The following KASH5 variants were observed in gnomAD, a reference collection of about 807,000 sequenced individuals.
The protein encoded by KASH5 is protein KASH5.
Under a neutral mutation model 84.2 loss-of-function variants are expected in KASH5, and 72 were observed. The ratio of observed to expected loss-of-function variants is 0.85; its 90% CI spans 0.71 to 1.04. The LOEUF (loss-of-function observed/expected upper bound fraction) is 1.04. KASH5 is among the 50% of genes least tolerant of loss of function. The pLI, the probability that KASH5 is intolerant of heterozygous loss-of-function variation, is 0.00. For missense variants in KASH5, 650 were observed against 701.0 expected, an observed-to-expected ratio of 0.93 and a Z score of 0.82; for synonymous variants, 260 against 279.1, an observed-to-expected ratio of 0.93 and a Z score of 0.68.
chr19:49,409,194 A>AG lies in KASH5; in HGVS notation c.1059dup. ...CTTCCTCCCTCCTTCCTGTGTGGCC[A>AG]GGCTACCTGAAGGGGCCCAGCTGAG... On this transcript the variant is annotated splice_acceptor_variant, in intron 13 of 19. Coordinates refer to ENST00000447857, the MANE Select transcript of KASH5 (RefSeq NM_144688.5). LOFTEE classifies it high-confidence loss of function. 6.2e-7 allele frequency: 1 copy of AG among 1,612,934 alleles called. No homozygotes were observed. Among genetic ancestry groups the AG allele is most frequent in the South Asian group, 1.1e-5 (1 of 91,010 alleles).
chr19:49,396,242 A>C (rs1600903336), intron 5 of KASH5, among the ~76,000 whole-genome samples: 2 of 122,902 alleles, frequency 1.6e-5, no homozygotes, highest in Admixed American at 8.4e-5. Flanking sequence ...ACCCTGCTGG[A>C]CTTTTTTTTT....
rs116072894 is a variant in KASH5 at position 49,408,949 on chromosome 19, C to T, written c.994-18C>T. 1.1e-3 allele frequency: 1,739 copies of T among 1,567,500 alleles called. 19 individuals carry two copies. The African/African-American group carries it at 0.018, about 16-fold the overall frequency. On this transcript the variant is annotated intron_variant, in intron 12 of 19. Transcript: ENST00000447857. ...AAAAATGCAGAGCCAAATGTGCTCC[C>T]CACTTCCTCCTTTGCAGGAACTGAG...
Position 49,414,243 on chromosome 19 carries a change from C to T in KASH5, c.1329-708C>T, listed in dbSNP as rs77439069. ...GGCCTACAGGCCCAGGGTCTACTCC[C>T]GGAAGATGGGAATGAATGAGGGGCA... On this transcript the variant is annotated intron_variant, in intron 16 of 19. Coordinates refer to ENST00000447857, the MANE Select transcript of KASH5 (RefSeq NM_144688.5). This position sits in a 1 kb window ranked among gnomAD's most constrained non-coding sequence, Gnocchi z 4.5. Among the ~76,000 whole-genome samples, 1,622 of 152,172 alleles carry T rather than the reference C, an allele frequency of 0.011. 21 individuals carry two copies. The highest frequency in any genetic ancestry group is 0.037 in the African/African-American group (1,530 of 41,498).
Position 49,395,075 on chromosome 19 carries a change from C to G in KASH5, c.149-31C>G, listed in dbSNP as rs1337213883. Reference sequence around the variant, plus strand: ...CCATACCCATCACTCCCCACCTGCCCCAGACCCCCTCACTGCATGCTCTGT... The same window carrying G: ...CCATACCCATCACTCCCCACCTGCCGCAGACCCCCTCACTGCATGCTCTGT... On this transcript the variant is annotated intron_variant, in intron 3 of 19. Transcript: ENST00000447857. This position sits in a 1 kb window ranked among gnomAD's most constrained non-coding sequence, Gnocchi z 4.4. 1 of 1,566,532 alleles carries G rather than the reference C, an allele frequency of 6.4e-7. No individual in the cohort carries two copies. The highest frequency in any genetic ancestry group is 1.4e-5 in the African/African-American group (1 of 73,388).
chr19:49,397,256 T>C (rs1311315219), intron 5 of KASH5, among the ~76,000 whole-genome samples: 1 of 151,412 alleles, frequency 6.6e-6, no homozygotes, highest in East Asian at 1.9e-4. Flanking sequence ...GGCCGGGGCA[T>C]GGAGACAGAG....
At chr19:49,408,251 G>T (rs990335974) in intron 12 of KASH5, 7 of 163,538 alleles carry the variant, frequency 4.3e-5, no homozygotes, top group Admixed American at 3.4e-4. Context: ...CGAGGCTCGT[G>T]TGGGTTCCTG....
In KASH5 at chr19:49,399,543, C is replaced by G; in HGVS notation, c.798+36C>G. 6.3e-7 allele frequency: 1 copy of G among 1,584,880 alleles called. No individual in the cohort carries two copies. Among genetic ancestry groups the G allele is most frequent in the Non-Finnish European group, 8.6e-7 (1 of 1,165,326 alleles). Reference sequence around the variant, plus strand: ...GCCCAGCACCACCCCCACCCCTTCCCCAGTCCTTAAGGTCTTCTTGACACC... The same window carrying G: ...GCCCAGCACCACCCCCACCCCTTCCGCAGTCCTTAAGGTCTTCTTGACACC... On this transcript the variant is annotated intron_variant, in intron 9 of 19. Coordinates refer to ENST00000447857, the MANE Select transcript of KASH5 (RefSeq NM_144688.5). This position sits in a 1 kb window ranked among gnomAD's most constrained non-coding sequence, Gnocchi z 4.4.
At position 49,399,404 on chromosome 19, in the gene KASH5, G is replaced by A; in HGVS notation, c.748-53G>A. ...TTCAGGGGTGGGAGAAGGGCAACAT[G>A]GGGGCAAGGAGGCTAGAAATGAAAC... is the stretch of plus-strand genomic sequence containing the variant. On this transcript the variant is annotated intron_variant, in intron 8 of 19. Transcript: ENST00000447857. The surrounding 1 kb of genome is among the most constrained non-coding windows in gnomAD (Gnocchi z 4.4). The A allele has an allele frequency of 1.3e-6, 2 of 1,550,404 alleles. No individual in the cohort carries two copies. Among genetic ancestry groups the A allele is most frequent in the Non-Finnish European group, 1.8e-6 (2 of 1,134,696 alleles).
Position 49,397,974 on chromosome 19 carries a change from G to GC in KASH5, c.468-4dup. ...GGACAGTGACCTGAACCCCTTCCTT[G>GC]CCCCTAGACAAGCCACAGCTGACCT... is the stretch of plus-strand genomic sequence containing the variant. On this transcript the variant is annotated splice_region_variant and splice_polypyrimidine_tract_variant and intron_variant, in intron 6 of 19. Coordinates refer to ENST00000447857, the MANE Select transcript of KASH5 (RefSeq NM_144688.5). 6.2e-7 allele frequency: 1 copy of GC among 1,613,336 alleles called. No homozygotes were observed. Among genetic ancestry groups the GC allele is most frequent in the African/African-American group, 1.3e-5 (1 of 75,018 alleles).
chr19:49,389,573 C>A (rs900484200), intron 1 of KASH5: 2 of 152,290 alleles, frequency 1.3e-5, no homozygotes, highest in Non-Finnish European at 2.9e-5. Flanking sequence ...TGTTCCAGAC[C>A]CTGGAAGGGC....
At chr19:49,390,535 C>T (rs991553145) in intron 1 of KASH5, among the ~76,000 whole-genome samples, 1 of 152,104 alleles carries the variant, frequency 6.6e-6, no homozygotes, top group Non-Finnish European at 1.5e-5. Flanking sequence ...CAGCCTGGAC[C>T]GGCGGCAAGC....
Position 49,417,392 on chromosome 19 carries a change from C to T in KASH5, c.1571C>T (p.Pro524Leu). The T allele has an allele frequency of 5.1e-6, 8 of 1,554,484 alleles. No homozygotes were observed. The highest frequency in any genetic ancestry group is 2.4e-5 in the East Asian group (1 of 41,092). The change falls in exon 20 of 20, where the codon CCA (proline) becomes CTA (leucine). Residue 524 changes from proline to leucine, a missense_variant. Transcript: ENST00000447857. The surrounding 1 kb of genome is among the most constrained non-coding windows in gnomAD (Gnocchi z 5.2). The stretch of plus-strand genomic sequence containing the variant: ...AGAGTCACTCGACATCCACTGATCC[C>T]AGCTCCTGTCCTGGGCCTGCTGCTG... Reference protein sequence around the residue: ...RLRVTRHPLIPAPVLGLLLLL... With the variant: ...RLRVTRHPLILAPVLGLLLLL...
intron 7 of KASH5, 149 bp downstream of exon 7, chr19:49,398,292 G>A (rs1974251366): frequency 1.7e-5 from 12 of 697,498 alleles, no homozygotes; most frequent in Non-Finnish European, 2.5e-5. Context: ...TTTATCTTTT[G>A]TGTCTCTCTG....
intron 12 of KASH5, chr19:49,408,129 T>C (rs1489862693): frequency 4.7e-6 from 1 of 215,030 alleles, no homozygotes; most frequent in Non-Finnish European, 9.5e-6. Context: ...TTGGCCAGGA[T>C]GGTCTTGATC....
At chr19:49,402,261 A>C (rs1056048249) in intron 9 of KASH5, among the ~76,000 whole-genome samples, 1 of 149,062 alleles carries the variant, frequency 6.7e-6, no homozygotes, top group African/African-American at 2.5e-5. Flanking sequence ...AGGAAAAGAA[A>C]AACTTTCCGG....
At position 49,405,631 on chromosome 19, in the gene KASH5, C is replaced by T. The variant is rs142152524; in HGVS notation, c.799-1255C>T. 1.7e-3 allele frequency among the ~76,000 whole-genome samples: 254 copies of T among 151,982 alleles called. 1 individual carries two copies. The highest frequency in any genetic ancestry group is 2.7e-3 in the Admixed American group (41 of 15,230). ...AACTACAGGTGAACTAATATGATGC[C>T]TGCAATTTGCTTTAAAGTAATCTAC... is the stretch of plus-strand genomic sequence containing the variant. On this transcript the variant is annotated intron_variant, in intron 9 of 19. Transcript: ENST00000447857.
In KASH5 at chr19:49,395,429, A is replaced by T. The variant is rs780680086; in HGVS notation, c.335+137A>T. On this transcript the variant is annotated intron_variant, in intron 4 of 19. Transcript: ENST00000447857. The surrounding 1 kb of genome is among the most constrained non-coding windows in gnomAD (Gnocchi z 4.4). ...TGAGGCTGTGGAGAGAAAAATGAAGAGACGGGATTCAGAGGGGGTAGATAG... is the reference window on the plus strand; with the variant it reads ...TGAGGCTGTGGAGAGAAAAATGAAGTGACGGGATTCAGAGGGGGTAGATAG... The T allele has an allele frequency of 1.7e-4, 163 of 956,228 alleles. No homozygotes were observed. The highest frequency in any genetic ancestry group is 2.3e-4 in the Non-Finnish European group (146 of 636,296). 59.2% of individuals were successfully genotyped at this position (956,228 alleles called of 1,614,324 possible). A position where few individuals can be genotyped will look rare whatever the true frequency, so the allele number is the denominator to read the frequency against.
In KASH5 at chr19:49,399,621, T is replaced by G. The variant is rs1167495545; in HGVS notation, c.798+114T>G. The G allele has an allele frequency of 6.5e-7, 1 of 1,540,626 alleles. No individual in the cohort carries two copies. The highest frequency in any genetic ancestry group is 8.8e-7 in the Non-Finnish European group (1 of 1,140,838). On this transcript the variant is annotated intron_variant, in intron 9 of 19. Transcript: ENST00000447857. This position sits in a 1 kb window ranked among gnomAD's most constrained non-coding sequence, Gnocchi z 4.4. ...AGCCTGTCTTGGGGAGACCTCAGAA[T>G]GTCAGTAGTGTGGGAATGTCCCTGA...
Position 49,416,910 on chromosome 19 carries a change from T to G in KASH5, c.1375-105T>G. ...AGCAGAAGTGCACTCACTTATCTCC[T>G]GAGCTCCACCACTTTCTATGTGGCC... On this transcript the variant is annotated intron_variant, in intron 17 of 19. Coordinates refer to ENST00000447857, the MANE Select transcript of KASH5 (RefSeq NM_144688.5). This position sits in a 1 kb window ranked among gnomAD's most constrained non-coding sequence, Gnocchi z 5.4. 2.0e-5 allele frequency: 23 copies of G among 1,157,242 alleles called. No individual in the cohort carries two copies. The highest frequency in any genetic ancestry group is 3.1e-5 in the African/African-American group (2 of 65,336). The allele number at this position is 1,157,242 out of a possible 1,614,324, so 71.7% of individuals were successfully genotyped here.
Sources: gnomAD v4.1 joint callset for allele counts (sites outside exome capture counted in the v4.1 genomes callset) on GRCh38, gnomAD v4.1.1 for gene constraint, Gnocchi (gnomAD v3.1) non-coding constraint, MANE v1.5 for transcripts, NCBI Gene and HGNC (gene_info 2026-07-23, HGNC 2026-07-21) for gene names.